The following NWD1 variants were observed in gnomAD, a reference collection of about 807,000 sequenced individuals.
The protein encoded by NWD1 is NACHT and WD repeat domain containing 1.
Under a neutral mutation model 135.1 loss-of-function variants are expected in NWD1, and 129 were observed. The observed-to-expected ratio is 0.96, with a 90% CI of 0.83 to 1.11. NWD1 has a LOEUF of 1.11. Ranked by LOEUF, NWD1 falls within the 50% of genes least tolerant of loss-of-function variation. NWD1 has a pLI of 0.00. For missense variants in NWD1, 1,740 were observed against 1,851.3 expected, an observed-to-expected ratio of 0.94 and a Z score of 1.10; for synonymous variants, 773 against 786.0, an observed-to-expected ratio of 0.98 and a Z score of 0.28.
intron 6 of NWD1, among the ~76,000 whole-genome samples, chr19:16,757,791 C>T (rs535122661): frequency 7.9e-5 from 12 of 152,318 alleles, no homozygotes; most frequent in Middle Eastern, 3.4e-3. Context: ...CAGTGGCTCA[C>T]GCCTAATCCC....
chr19:16,773,227 T>C lies in NWD1; in HGVS notation c.2512T>C (p.Phe838Leu), dbSNP rs2122950032. ...GQLCQQAQSW[F>L]QLCAHPVLVP... Reference sequence around the variant, plus strand: ...GCTATGCCAACAGGCCCAGAGCTGGTTCCAGTTGTGCGCACACCCTGTGCT... The same window carrying C: ...GCTATGCCAACAGGCCCAGAGCTGGCTCCAGTTGTGCGCACACCCTGTGCT... The change falls in exon 11 of 19, where the codon TTC becomes CTC. Residue 838 changes from phenylalanine (F) to leucine (L), a missense_variant. Transcript: ENST00000524140. The C allele has an allele frequency of 6.2e-7, 1 of 1,613,734 alleles. No homozygotes were observed. Among genetic ancestry groups the C allele is most frequent in the East Asian group, 2.2e-5 (1 of 44,872 alleles).
intron 16 of NWD1, among the ~76,000 whole-genome samples, chr19:16,799,269 C>T (rs866793443): frequency 5.3e-5 from 8 of 152,162 alleles, no homozygotes; most frequent in Admixed American, 1.3e-4. Flanking sequence ...AATCTCAGCT[C>T]ACTGCAATCT....
intron 6 of NWD1, among the ~76,000 whole-genome samples, chr19:16,757,765 T>G (rs775769590): frequency 3.0e-4 from 46 of 152,112 alleles, no homozygotes; most frequent in Admixed American, 6.6e-5. Context: ...TATCATAGAA[T>G]TTTGCAGGCC....
Position 16,749,492 on chromosome 19 carries a change from C to G in NWD1, c.850C>G (p.Leu284Val). Residue 284 changes from leucine to valine, a missense_variant, in exon 6 of 19, where the codon CTG (leucine) becomes GTG (valine). Coordinates refer to ENST00000524140, the MANE Select transcript of NWD1 (RefSeq NM_001007525.5). ...CCAGGTCCTCACACGCCTCCGTGAG[C>G]TGGATACGGCCGGACAGGAGTTGGC... ...NHQVLTRLRE[L>V]DTAGQELAWL... is the part of the protein sequence containing the mutation. 6.2e-7 allele frequency: 1 copy of G among 1,611,302 alleles called. No homozygotes were observed. Among genetic ancestry groups the G allele is most frequent in the Non-Finnish European group, 8.5e-7 (1 of 1,177,688 alleles).
chr19:16,787,426 T>C (rs1970075059), intron 12 of NWD1, among the ~76,000 whole-genome samples: 1 of 152,200 alleles, frequency 6.6e-6, no homozygotes, highest in South Asian at 2.1e-4. Flanking sequence ...ATTATCTGTT[T>C]AGTATTCAAC....
At chr19:16,754,580 C>T (rs906244977) in intron 6 of NWD1, among the ~76,000 whole-genome samples, 1 of 150,230 alleles carries the variant, frequency 6.7e-6, no homozygotes. Flanking sequence ...TAAAGTCCAT[C>T]TATCCTTCCA....
chr19:16,790,235 T>C (rs1970195047), intron 13 of NWD1, among the ~76,000 whole-genome samples: 1 of 152,162 alleles, frequency 6.6e-6, no homozygotes, highest in African/African-American at 2.4e-5. Flanking sequence ...GTGACCTTGG[T>C]TGTGTCATTC....
At chr19:16,759,453 G>C in intron 7 of NWD1, 25 bp downstream of exon 7, 1 of 1,520,916 alleles carries the variant, frequency 6.6e-7, no homozygotes, top group Non-Finnish European at 8.8e-7. Flanking sequence ...CAGTGGCAGC[G>C]ACACTGTCTG....
At chr19:16,737,884 G>T (rs949322403) in intron 4 of NWD1, among the ~76,000 whole-genome samples, 1 of 151,666 alleles carries the variant, frequency 6.6e-6, no homozygotes, top group Non-Finnish European at 1.5e-5. Flanking sequence ...AGAATTGCTT[G>T]AACCTGGGAG....
intron 11 of NWD1, among the ~76,000 whole-genome samples, chr19:16,777,588 AG>A: frequency 5.7e-4 from 1 of 1,768 alleles, no homozygotes; most frequent in Non-Finnish European, 1.0e-3. Context: ...AGGGGAGGGG[AG>A]GGGAAAGTGG....
rs932614933 is a variant in NWD1, at chr19:16,720,138, G to A, written c.-260G>A. 2 of 152,208 alleles carry A rather than the reference G, an allele frequency of 1.3e-5. No homozygotes were observed. Among genetic ancestry groups the A allele is most frequent in the Non-Finnish European group, 2.9e-5 (2 of 68,068 alleles). The allele number at this position is 152,208 out of a possible 1,614,324, so 9.4% of individuals were successfully genotyped here. On this transcript the variant is annotated 5_prime_UTR_variant, in exon 1 of 19. Transcript: ENST00000524140. ...AGCAACAAACAGAAGTCCAGAAAGAGAAACAGTTGTGGAGGAAGCTGTTGT... is the reference window on the plus strand; with the variant it reads ...AGCAACAAACAGAAGTCCAGAAAGAAAAACAGTTGTGGAGGAAGCTGTTGT...
intron 12 of NWD1, among the ~76,000 whole-genome samples, chr19:16,782,073 G>A (rs184130409): frequency 1.9e-4 from 26 of 137,238 alleles, no homozygotes; most frequent in Middle Eastern, 4.3e-3. Flanking sequence ...CAGCCTGGGC[G>A]ACAGAGTGAG....
chr19:16,783,595 C>T (rs1330082587), intron 12 of NWD1, among the ~76,000 whole-genome samples: 1 of 151,078 alleles, frequency 6.6e-6, no homozygotes, highest in Non-Finnish European at 1.5e-5. Flanking sequence ...GATCGCGCCA[C>T]TGCACTCCAG....
In NWD1 at chr19:16,807,642, G is replaced by A. The variant is rs200763762; in HGVS notation, c.3793G>A (p.Glu1265Lys). 6 of 1,571,100 alleles carry A rather than the reference G, an allele frequency of 3.8e-6. No individual in the cohort carries two copies. The highest frequency in any genetic ancestry group is 4.3e-6 in the Non-Finnish European group (5 of 1,161,304). The change falls in exon 18 of 19, where the codon GAG becomes AAG. Residue 1265 changes from glutamate (E) to lysine (K), a missense_variant. Transcript: ENST00000524140. The stretch of plus-strand genomic sequence containing the variant: ...TGAGATCAGGTGTCTGGAGGTTGCT[G>A]AGCAGCGCAAGCTCCTATTTACGGG... ...SSEIRCLEVA[E>K]QRKLLFTGLV...
At position 16,753,140 on chromosome 19, in the gene NWD1, C is replaced by A. The variant is rs543032150; in HGVS notation, c.1769+2729C>A. Reference sequence around the variant, plus strand: ...CAGAGCAGCTTCTCCTTCCTTCTCCCTCTGGGGTCCTCTCTGCACATCAAC... The same window carrying A: ...CAGAGCAGCTTCTCCTTCCTTCTCCATCTGGGGTCCTCTCTGCACATCAAC... On this transcript the variant is annotated intron_variant, in intron 6 of 18. Transcript: ENST00000524140. Among the ~76,000 whole-genome samples the A allele has an allele frequency of 3.2e-4, 49 of 152,290 alleles. 1 individual carries two copies. Among genetic ancestry groups the A allele is most frequent in the Middle Eastern group, 3.4e-3 (1 of 294 alleles).
rs767972886 is a variant in NWD1 at position 16,763,956 on chromosome 19, C to T, written c.2251+11C>T. The stretch of plus-strand genomic sequence containing the variant: ...AACAGGAGGTTCTGGGTAAGGGCTG[C>T]CCCCCATCTCAGAGGACCGAGCCTG... On this transcript the variant is annotated intron_variant, in intron 9 of 18. Transcript: ENST00000524140. 16 of 1,531,334 alleles carry T rather than the reference C, an allele frequency of 1.0e-5. 1 individual carries two copies. The South Asian group carries it at 1.5e-4, about 14-fold the overall frequency. The allele number at this position is 1,531,334 out of a possible 1,614,324, so 94.9% of individuals were successfully genotyped here. A position where few individuals can be genotyped will look rare whatever the true frequency, so the allele number is the denominator to read the frequency against.
intron 12 of NWD1, among the ~76,000 whole-genome samples, chr19:16,780,256 C>T (rs560363599): frequency 1.4e-4 from 21 of 151,008 alleles, no homozygotes; most frequent in South Asian, 1.0e-3. Flanking sequence ...CCCAGGTTCA[C>T]GCCATTCTCC....
At chr19:16,726,937 A>T (rs928046866) in intron 2 of NWD1, among the ~76,000 whole-genome samples, 1 of 148,464 alleles carries the variant, frequency 6.7e-6, no homozygotes, top group Middle Eastern at 3.4e-3. Flanking sequence ...ATGGTCCCCA[A>T]GTGAGAACTG....
intron 17 of NWD1, among the ~76,000 whole-genome samples, 164 bp downstream of exon 17, chr19:16,800,326 G>T (rs759605098): frequency 4.6e-5 from 7 of 152,178 alleles, no homozygotes; most frequent in East Asian, 3.9e-4. Context: ...CTGAGGTCAG[G>T]AGTTCAAGAC....
Sources: gnomAD v4.1 joint callset for allele counts (sites outside exome capture counted in the v4.1 genomes callset) on GRCh38, gnomAD v4.1.1 for gene constraint, MANE v1.5 for transcripts, NCBI Gene and HGNC (gene_info 2026-07-23, HGNC 2026-07-21) for gene names.